The following MTA3 variants were observed in gnomAD, a reference collection of about 807,000 sequenced individuals.
The protein encoded by MTA3 is metastasis-associated protein MTA3.
A neutral mutation model predicts 83.5 loss-of-function variants in MTA3; 34 were observed. The observed-to-expected ratio is 0.41, with a 90% CI of 0.31 to 0.54. MTA3 has a LOEUF of 0.54. Among genes scored for constraint, MTA3 ranks in the 20% least tolerant of loss-of-function variants. The pLI is 0.33. For synonymous variants in MTA3, 303 were observed against 252.7 expected (o/e 1.20, Z -1.89); for missense variants, 761 against 726.4 (o/e 1.05, Z -0.55).
intron 14 of MTA3, among the ~76,000 whole-genome samples, chr2:42,713,423 T>C (rs141646267): frequency 2.0e-5 from 3 of 152,304 alleles, no homozygotes; most frequent in East Asian, 1.9e-4. Context: ...CTTCTTTTGG[T>C]ATTTTTGGTA....
chr2:42,571,880 T>C (rs1006087664), intron 2 of MTA3, among the ~76,000 whole-genome samples: 2 of 148,650 alleles, frequency 1.3e-5, no homozygotes, highest in Non-Finnish European at 3.0e-5. Flanking sequence ...CTGGGAGGCA[T>C]AGGTGGCAGT....
intron 5 of MTA3, among the ~76,000 whole-genome samples, chr2:42,642,270 A>G (rs1171897912): frequency 6.6e-6 from 1 of 152,148 alleles, no homozygotes; most frequent in Non-Finnish European, 1.5e-5. Flanking sequence ...TCATCTTATT[A>G]TATTGTAGAG....
At chr2:42,606,479 A>G (rs1010743931) in intron 3 of MTA3, among the ~76,000 whole-genome samples, 7 of 146,368 alleles carry the variant, frequency 4.8e-5, no homozygotes, top group Non-Finnish European at 1.0e-4. Context: ...ATCCCAGATG[A>G]TGTGCGGCCG....
At chr2:42,610,942 CTA>C (rs1486917148) in intron 4 of MTA3, among the ~76,000 whole-genome samples, 1 of 151,152 alleles carries the variant, frequency 6.6e-6, no homozygotes, top group South Asian at 2.1e-4. Context: ...TCCTTAAAAA[CTA>C]TATATATAGA....
intron 2 of MTA3, among the ~76,000 whole-genome samples, chr2:42,523,925 ATAAGT>A (rs1336920138): frequency 1.3e-5 from 2 of 152,130 alleles, no homozygotes; most frequent in East Asian, 3.8e-4. Flanking sequence ...TCTAAAATAA[ATAAGT>A]AAATAAATAA....
At chr2:42,659,220 T>C (rs1488585207) in intron 7 of MTA3, among the ~76,000 whole-genome samples, 1 of 152,216 alleles carries the variant, frequency 6.6e-6, no homozygotes, top group Non-Finnish European at 1.5e-5. Flanking sequence ...TTCTTACATA[T>C]TGGAAGGACT....
At chr2:42,562,388 C>T (rs186856353) in intron 2 of MTA3, among the ~76,000 whole-genome samples, 5 of 152,196 alleles carry the variant, frequency 3.3e-5, no homozygotes, top group South Asian at 2.1e-4. Flanking sequence ...TGTCCCTTTC[C>T]GTCTCCTTCT....
chr2:42,623,931 T>G (rs1685829105), intron 4 of MTA3, among the ~76,000 whole-genome samples: 1 of 152,036 alleles, frequency 6.6e-6, no homozygotes, highest in African/African-American at 2.4e-5. Flanking sequence ...ACCTTAGGTG[T>G]GATCCACCGA....
At chr2:42,548,812 T>TATATATATATATATATA (rs1230710526) in intron 2 of MTA3, among the ~76,000 whole-genome samples, 21 of 37,176 alleles carry the variant, frequency 5.6e-4, no homozygotes, top group African/African-American at 2.9e-3. Flanking sequence ...CAAAAAAAAA[T>TATATATATATATATATA]ATATATATAT....
chr2:42,601,071 T>C (rs968177621), intron 3 of MTA3, among the ~76,000 whole-genome samples: 3 of 152,098 alleles, frequency 2.0e-5, no homozygotes, highest in Non-Finnish European at 2.9e-5. Context: ...CACGTCCGGC[T>C]AATTTTTGTA....
rs1413112638 is a variant in MTA3, at chr2:42,753,270, C to A, written c.1760-104C>A. On this transcript the variant is annotated intron_variant, in intron 16 of 16. Transcript: ENST00000405094. ...TTTGACCTACTGCTGAGCCTCCTTT[C>A]CCTGAAGGTTGTGATGTTGGGAGGG... 9 of 1,534,220 alleles carry A rather than the reference C, an allele frequency of 5.9e-6. No individual in the cohort carries two copies. The African/African-American group carries it at 1.1e-4, about 19-fold the overall frequency.
At chr2:42,592,044 G>C (rs1681069233) in intron 3 of MTA3, among the ~76,000 whole-genome samples, 1 of 151,652 alleles carries the variant, frequency 6.6e-6, no homozygotes, top group African/African-American at 2.4e-5. Flanking sequence ...CTGGCAGATT[G>C]CTTGAGCCCA....
At chr2:42,515,935 G>T (rs918538700) in intron 2 of MTA3, among the ~76,000 whole-genome samples, 1 of 151,104 alleles carries the variant, frequency 6.6e-6, no homozygotes, top group East Asian at 1.9e-4. Context: ...CTGCCTCCCG[G>T]GTTCACGCCA....
chr2:42,721,629 A>T (rs1037861133), intron 15 of MTA3, among the ~76,000 whole-genome samples: 5 of 152,142 alleles, frequency 3.3e-5, no homozygotes, highest in African/African-American at 4.8e-5. Context: ...GCACCTGGCC[A>T]ATGAGGGAAT....
intron 12 of MTA3, among the ~76,000 whole-genome samples, chr2:42,705,604 G>C (rs1666011358): frequency 6.6e-6 from 1 of 152,150 alleles, no homozygotes; most frequent in Admixed American, 6.5e-5. Context: ...TACTCAGGAG[G>C]CTGAGGCAGG....
intron 2 of MTA3, among the ~76,000 whole-genome samples, chr2:42,537,602 G>T (rs1676306048): frequency 6.6e-6 from 1 of 151,884 alleles, no homozygotes; most frequent in South Asian, 2.1e-4. Flanking sequence ...AAATAAAATA[G>T]TATCAATGTT....
chr2:42,654,338 C>T (rs1688973237), intron 6 of MTA3, among the ~76,000 whole-genome samples: 1 of 152,196 alleles, frequency 6.6e-6, no homozygotes, highest in African/African-American at 2.4e-5. Flanking sequence ...GTTTGTCAGT[C>T]ACTGGGGAAT....
chr2:42,708,811 C>T, intron 13 of MTA3, 63 bp from the exon 14 acceptor site: 2 of 1,550,736 alleles, frequency 1.3e-6, no homozygotes, highest in Non-Finnish European at 1.8e-6. Flanking sequence ...GAGCATGATG[C>T]AAACAGTAAC....
Position 42,755,748 on chromosome 2 carries a change from C to G in MTA3, c.*2349C>G. 1 of 985,716 alleles carries G rather than the reference C, an allele frequency of 1.0e-6. No individual in the cohort carries two copies. Among genetic ancestry groups the G allele is most frequent in the Non-Finnish European group, 1.2e-6 (1 of 830,152 alleles). 61.1% of individuals were successfully genotyped at this position (985,716 alleles called of 1,614,324 possible). A position where few individuals can be genotyped will look rare whatever the true frequency, so the allele number is the denominator to read the frequency against. The stretch of plus-strand genomic sequence containing the variant: ...CCTTTCTGGGGCCATGGTGTCCCTG[C>G]TGTGTGTCAGTGGCATGTCACTGTG... On this transcript the variant is annotated 3_prime_UTR_variant, in exon 17 of 17. Coordinates refer to ENST00000405094, the MANE Select transcript of MTA3 (RefSeq NM_001330442.2).
Sources: gnomAD v4.1 joint callset for allele counts (sites outside exome capture counted in the v4.1 genomes callset) on GRCh38, gnomAD v4.1.1 for gene constraint, MANE v1.5 for transcripts, NCBI Gene and HGNC (gene_info 2026-07-23, HGNC 2026-07-21) for gene names.